The following PDE7B variants were observed in gnomAD, a reference collection of about 807,000 sequenced individuals.
PDE7B encodes 3',5'-cyclic-AMP phosphodiesterase 7B.
PDE7B carries 29 observed loss-of-function variants against 56.2 expected under a neutral mutation model. That is an observed-to-expected ratio of 0.52 (90% CI 0.38 to 0.70). PDE7B has a LOEUF of 0.70. Among genes scored for constraint, PDE7B ranks in the 30% least tolerant of loss-of-function variants. PDE7B has a pLI of 0.00. For synonymous variants in PDE7B, 197 were observed against 196.9 expected (o/e 1.00, Z 0.00); for missense variants, 490 against 565.0 (o/e 0.87, Z 1.35).
chr6:135,914,206 C>A (rs998782422), intron 1 of PDE7B, among the ~76,000 whole-genome samples: 5 of 152,082 alleles, frequency 3.3e-5, no homozygotes, highest in African/African-American at 1.2e-4. Context: ...AAATTATTTA[C>A]CTTTTCATTG....
At chr6:136,008,251 G>T (rs1458143350) in intron 2 of PDE7B, among the ~76,000 whole-genome samples, 1 of 152,058 alleles carries the variant, frequency 6.6e-6, no homozygotes, top group African/African-American at 2.4e-5. Context: ...CATTTGGGTT[G>T]GTTCCAAGTC....
intron 2 of PDE7B, among the ~76,000 whole-genome samples, chr6:135,979,872 A>G (rs1775263033): frequency 6.6e-6 from 1 of 152,194 alleles, no homozygotes; most frequent in South Asian, 2.1e-4. Flanking sequence ...TGCCCAAGGT[A>G]ATTTATAGAT....
chr6:135,980,467 T>G (rs1383777160), intron 2 of PDE7B, among the ~76,000 whole-genome samples: 1 of 151,130 alleles, frequency 6.6e-6, no homozygotes, highest in Non-Finnish European at 1.5e-5. Context: ...AAAGAGCTTC[T>G]GCACAGCAAA....
At chr6:136,160,068 T>C (rs1195496107) in intron 8 of PDE7B, among the ~76,000 whole-genome samples, 1 of 152,140 alleles carries the variant, frequency 6.6e-6, no homozygotes, top group East Asian at 1.9e-4. Context: ...TGGAAGGGTT[T>C]TGTTTTTTTC....
Position 136,193,429 on chromosome 6 carries a change from T to C in PDE7B, c.*1589T>C, listed in dbSNP as rs1779261687. The C allele has an allele frequency of 6.6e-6, 1 of 152,634 alleles. No homozygotes were observed. 9.5% of individuals were successfully genotyped at this position (152,634 alleles called of 1,614,324 possible). On this transcript the variant is annotated 3_prime_UTR_variant, in exon 13 of 13. Transcript: ENST00000308191. ...TTACCTTCCTGGCAGGTCATTGTAG[T>C]TAATTATGTCTCTAGCTTGGAGTGT...
intron 8 of PDE7B, among the ~76,000 whole-genome samples, chr6:136,158,413 G>A (rs182165622): frequency 2.9e-4 from 44 of 152,282 alleles, no homozygotes; most frequent in Admixed American, 2.5e-3. Context: ...CAAGAATACC[G>A]TAGAGAGGAT....
chr6:135,985,499 C>T (rs1261526234), intron 2 of PDE7B, among the ~76,000 whole-genome samples: 1 of 152,144 alleles, frequency 6.6e-6, no homozygotes, highest in African/African-American at 2.4e-5. Context: ...TAAGTCCAAG[C>T]ATTATTTTTC....
intron 12 of PDE7B, among the ~76,000 whole-genome samples, chr6:136,188,060 A>AG (rs529442363): frequency 1.3e-5 from 2 of 152,196 alleles, no homozygotes; most frequent in Non-Finnish European, 2.9e-5. Flanking sequence ...TTGGTAGGGA[A>AG]GGGGGTATCT....
chr6:136,023,763 T>A (rs941325118), intron 2 of PDE7B, among the ~76,000 whole-genome samples: 1 of 152,194 alleles, frequency 6.6e-6, no homozygotes, highest in African/African-American at 2.4e-5. Context: ...AATAGATAGA[T>A]ACAGATATAG....
intron 3 of PDE7B, among the ~76,000 whole-genome samples, chr6:136,129,550 A>G (rs1011624223): frequency 6.6e-6 from 1 of 152,230 alleles, no homozygotes; most frequent in Non-Finnish European, 1.5e-5. Flanking sequence ...ATGGAAGGAC[A>G]GGAGTGAGCT....
At chr6:135,892,505 A>T (rs188794471) in intron 1 of PDE7B, among the ~76,000 whole-genome samples, 1 of 152,202 alleles carries the variant, frequency 6.6e-6, no homozygotes, top group African/African-American at 2.4e-5. Context: ...GATATTTCCT[A>T]TACTTTCTAG....
Position 135,885,567 on chromosome 6 carries a change from T to A in PDE7B, c.21+33548T>A, listed in dbSNP as rs1316645879. On this transcript the variant is annotated intron_variant, in intron 1 of 12. Coordinates refer to ENST00000308191, the MANE Select transcript of PDE7B (RefSeq NM_018945.4). ...ATAAGAGAGTCCTTTGGAGAAGCAA[T>A]GTCTATTGCAAATGAAAAATACACA... Among the ~76,000 whole-genome samples, 3 of 152,178 alleles carry A rather than the reference T, an allele frequency of 2.0e-5. No individual in the cohort carries two copies. In the South Asian group the frequency reaches 6.2e-4, roughly 31 times the overall value.
chr6:136,076,079 A>G (rs1777123450), intron 2 of PDE7B, among the ~76,000 whole-genome samples: 1 of 152,222 alleles, frequency 6.6e-6, no homozygotes, highest in African/African-American at 2.4e-5. Context: ...AGCCAGAGGT[A>G]CAATGGGAGG....
At chr6:135,939,434 G>A (rs772203812) in intron 1 of PDE7B, among the ~76,000 whole-genome samples, 2 of 152,164 alleles carry the variant, frequency 1.3e-5, no homozygotes, top group Middle Eastern at 3.2e-3. Context: ...AGTCTCTGAC[G>A]TTTTAACAGC....
chr6:135,851,993 G>A lies in PDE7B; in HGVS notation c.-6G>A. On this transcript the variant is annotated 5_prime_UTR_variant, in exon 1 of 13. It removes an upstream start codon present in the reference 5' UTR. Transcript: ENST00000308191. ...TCAAAGGTCACAGAACTGCCACTAT[G>A]GTTAAATGTCTTGTTTAATGGTTGA... 6 of 1,608,674 alleles carry A rather than the reference G, an allele frequency of 3.7e-6. No individual in the cohort carries two copies. Among genetic ancestry groups the A allele is most frequent in the Non-Finnish European group, 5.1e-6 (6 of 1,175,264 alleles).
At chr6:135,938,934 C>T (rs1774463401) in intron 1 of PDE7B, among the ~76,000 whole-genome samples, 1 of 152,148 alleles carries the variant, frequency 6.6e-6, no homozygotes, top group African/African-American at 2.4e-5. Flanking sequence ...AGTTTTGGTT[C>T]ATAATAAGTA....
At chr6:136,030,080 C>G (rs1353830950) in intron 2 of PDE7B, among the ~76,000 whole-genome samples, 3 of 152,122 alleles carry the variant, frequency 2.0e-5, no homozygotes, top group Non-Finnish European at 4.4e-5. Context: ...TAGTTACTCC[C>G]CTGGATTATA....
intron 3 of PDE7B, among the ~76,000 whole-genome samples, chr6:136,123,251 C>T (rs1777968414): frequency 2.0e-5 from 3 of 152,010 alleles, no homozygotes; most frequent in South Asian, 2.1e-4. Flanking sequence ...CCTAGCTACT[C>T]GGGGGGCTGA....
At chr6:135,885,361 G>A (rs529270062) in intron 1 of PDE7B, among the ~76,000 whole-genome samples, 32 of 148,604 alleles carry the variant, frequency 2.2e-4, no homozygotes, top group Non-Finnish European at 3.7e-4. Context: ...TGCCACTACC[G>A]TGGCCCAGGG....
Sources: allele counts gnomAD v4.1 joint callset (sites outside exome capture counted in the v4.1 genomes callset), GRCh38; gene constraint gnomAD v4.1.1; transcripts MANE v1.5; gene names NCBI Gene and HGNC (gene_info 2026-07-23, HGNC 2026-07-21).